Variants in RNF213 observed in about 807,000 individuals in gnomAD.
The protein encoded by RNF213 is ring finger protein 213.
RNF213 carries 341 observed loss-of-function variants against 514.4 expected under a neutral mutation model. The observed-to-expected ratio is 0.66, with a 90% confidence interval of 0.61 to 0.73. RNF213 has a LOEUF of 0.73. RNF213 is among the 30% of genes least tolerant of loss of function. The pLI is 0.00. For missense variants in RNF213, 5,767 were observed against 6,615.6 expected (o/e 0.87, Z 4.45); for synonymous variants, 2,655 against 2,658.2 (o/e 1.00, Z 0.04).
intron 23 of RNF213, 110 bp from the exon 24 acceptor site, chr17:80,337,476 T>G (rs909050051): frequency 3.3e-5 from 46 of 1,403,758 alleles, no homozygotes; most frequent in Non-Finnish European, 4.0e-5. Context: ...TGGGGAAGCG[T>G]GGGGAGAAGG....
intron 8 of RNF213, among the ~76,000 whole-genome samples, chr17:80,294,352 G>A (rs544691113): frequency 6.6e-6 from 1 of 152,284 alleles, no homozygotes; most frequent in South Asian, 2.1e-4. Context: ...GGGGGATGCG[G>A]TTTCTGTATG....
rs749466985 is a variant in RNF213 at position 80,363,114 on chromosome 17, G to T, written c.11368G>T (p.Ala3790Ser). 3.1e-6 allele frequency: 5 copies of T among 1,614,040 alleles called. No individual in the cohort carries two copies. The highest frequency in any genetic ancestry group is 4.2e-6 in the Non-Finnish European group (5 of 1,179,942). ...TTTTGAATCCCAGTTTCTGCAGATG[G>T]CTCTGTGGTCCTGCACTAGGAAACT... is the stretch of plus-strand genomic sequence containing the variant. Reference protein sequence around the residue: ...TEEELKFLQMALWSCTRKLKA... With the variant: ...TEEELKFLQMSLWSCTRKLKA... Residue 3790 changes from alanine to serine, a missense_variant, in exon 40 of 68, where the codon GCT becomes TCT. Physicochemically the swap from Ala to Ser is moderately conservative, Grantham distance 99. Transcript: ENST00000582970.
intron 2 of RNF213, among the ~76,000 whole-genome samples, chr17:80,272,901 C>T (rs189030155): frequency 1.6e-4 from 24 of 152,248 alleles, no homozygotes; most frequent in Admixed American, 1.4e-3. Context: ...GGGAGGAAAG[C>T]GTAACAGGCT....
At chr17:80,325,533 C>A (rs953088817) in intron 18 of RNF213, among the ~76,000 whole-genome samples, 1 of 151,972 alleles carries the variant, frequency 6.6e-6, no homozygotes, top group Non-Finnish European at 1.5e-5. Context: ...GAAGGCAATG[C>A]GACTTACCTA....
At chr17:80,284,218 G>T (rs2044394628) in intron 3 of RNF213, among the ~76,000 whole-genome samples, 1 of 151,840 alleles carries the variant, frequency 6.6e-6, no homozygotes, top group Non-Finnish European at 1.5e-5. Flanking sequence ...AAAAAAATTA[G>T]CCGGGCATGA....
At chr17:80,295,411 C>A in intron 9 of RNF213, 146 bp from the exon 10 acceptor site, 3 of 1,028,740 alleles carry the variant, frequency 2.9e-6, no homozygotes, top group Admixed American at 4.0e-5. Flanking sequence ...CTTGGCTGCA[C>A]TGCAGCTCCT....
chr17:80,347,681 C>A lies in RNF213; in HGVS notation c.9346C>A (p.Leu3116Ile). ...QNLYESLYDA[L>I]NQYYVHLGGQ... ...CCTCTACGAGAGCCTCTACGACGCA[C>A]TCAACCAGTACTACGTCCACCTCGG... is the stretch of plus-strand genomic sequence containing the variant. The change falls in exon 29 of 68, where the codon CTC (leucine) becomes ATC (isoleucine). Residue 3116 changes from leucine to isoleucine, a missense_variant. Transcript: ENST00000582970. This position sits in a 1 kb window ranked among gnomAD's most constrained non-coding sequence, Gnocchi z 7.2. 6.2e-7 allele frequency: 1 copy of A among 1,614,012 alleles called. No homozygotes were observed. Among genetic ancestry groups the A allele is most frequent in the Non-Finnish European group, 8.5e-7 (1 of 1,179,904 alleles).
Position 80,386,423 on chromosome 17 carries a change from A to T in RNF213, c.14713A>T (p.Asn4905Tyr), listed in dbSNP as rs780164056. Residue 4905 changes from asparagine to tyrosine, a missense_variant, in exon 62 of 68, where the codon AAC (asparagine) becomes TAC (tyrosine). Asn to Tyr is a moderately radical substitution (Grantham distance 143). This residue lies in a region of RNF213 where 1,245 missense variants were observed against 1,339.0 expected (regional missense o/e 0.93). Coordinates refer to ENST00000582970, the MANE Select transcript of RNF213 (RefSeq NM_001256071.3). ...VYAVEKLSKENNSYSVDAAEV... is the reference protein window; with the variant it reads ...VYAVEKLSKEYNSYSVDAAEV... ...CGCCGTGGAAAAACTCTCCAAGGAA[A>T]ACAACAGGTTTGTGCACGAGCCACC... 1 of 1,614,112 alleles carries T rather than the reference A, an allele frequency of 6.2e-7. No homozygotes were observed. Among genetic ancestry groups the T allele is most frequent in the Non-Finnish European group, 8.5e-7 (1 of 1,180,004 alleles).
intron 21 of RNF213, among the ~76,000 whole-genome samples, chr17:80,333,619 C>T (rs1025342473): frequency 7.3e-5 from 11 of 151,016 alleles, no homozygotes; most frequent in East Asian, 3.9e-4. Flanking sequence ...GCTTGAACCA[C>T]GGAGGCGGAG....
rs1259279502 is a variant in RNF213 at position 80,346,032 on chromosome 17, A to G, written c.7697A>G (p.Tyr2566Cys). 6.2e-7 allele frequency: 1 copy of G among 1,614,176 alleles called. No homozygotes were observed. Among genetic ancestry groups the G allele is most frequent in the South Asian group, 1.1e-5 (1 of 91,082 alleles). The part of the protein sequence containing the change: ...LGSIPLRQLV[Y>C]RVHALPPSLI... ...TCCATTCCTCTGAGGCAGCTGGTAT[A>G]CCGGGTCCATGCTCTGCCCCCGAGC... Residue 2566 changes from tyrosine (Y) to cysteine (C), a missense_variant, in exon 29 of 68, where the codon TAC (tyrosine) becomes TGC (cysteine). Around this residue, in one of 13 missense-constraint regions of RNF213, gnomAD observed 1,377 missense variants for 1,635.2 expected, o/e 0.84. Transcript: ENST00000582970. The surrounding 1 kb of genome is among the most constrained non-coding windows in gnomAD (Gnocchi z 8.1).
chr17:80,331,065 C>T (rs901580549), intron 20 of RNF213, among the ~76,000 whole-genome samples: 4 of 152,158 alleles, frequency 2.6e-5, no homozygotes, highest in Non-Finnish European at 4.4e-5. Flanking sequence ...GTGATCCATC[C>T]GCCTCAGCCT....
intron 20 of RNF213, among the ~76,000 whole-genome samples, chr17:80,330,515 G>A (rs1397392004): frequency 1.3e-5 from 2 of 152,184 alleles, no homozygotes; most frequent in Non-Finnish European, 2.9e-5. Context: ...TTGGCATCCC[G>A]TGCGTGGTCC....
intron 38 of RNF213, 66 bp from the exon 39 acceptor site, chr17:80,361,668 C>T (rs2079059431): frequency 1.3e-6 from 2 of 1,593,778 alleles, no homozygotes; most frequent in Non-Finnish European, 1.7e-6. Context: ...TCCGGAGCCC[C>T]CTGGAGGCAG....
At position 80,374,685 on chromosome 17, in the gene RNF213, C is replaced by A. The variant is rs575440594; in HGVS notation, c.13074+96C>A. On this transcript the variant is annotated intron_variant, in intron 50 of 67. Transcript: ENST00000582970. ...TGTCAAATGATGCAGGGTGATGGAC[C>A]ACTGATGCAGCCCATCACGTGACAC... is the stretch of plus-strand genomic sequence containing the variant. The A allele has an allele frequency of 3.5e-6, 5 of 1,442,770 alleles. No homozygotes were observed. In the African/African-American group the frequency reaches 7.0e-5, roughly 20 times the overall value. 89.4% of individuals were successfully genotyped at this position (1,442,770 alleles called of 1,614,324 possible). A position where few individuals can be genotyped will look rare whatever the true frequency, so the allele number is the denominator to read the frequency against.
chr17:80,318,413 GGAGGGGCCAGGCCT>G (rs2046018952), intron 16 of RNF213, among the ~76,000 whole-genome samples: 1 of 152,142 alleles, frequency 6.6e-6, no homozygotes, highest in Non-Finnish European at 1.5e-5. Flanking sequence ...CCCAGGCACA[GGAGGGGCCAGGCCT>G]GCCCATAGGC....
chr17:80,370,813 C>T (rs1054404297), intron 46 of RNF213, among the ~76,000 whole-genome samples: 2 of 152,224 alleles, frequency 1.3e-5, no homozygotes, highest in Non-Finnish European at 2.9e-5. Flanking sequence ...CAGGGCTGGG[C>T]AGGCCTCTCC....
In RNF213 at chr17:80,332,598, T is replaced by G. The variant is rs955363772; in HGVS notation, c.4110T>G (p.Gly1370=). The G allele has an allele frequency of 4.6e-6, 7 of 1,519,896 alleles. No homozygotes were observed. Among genetic ancestry groups the G allele is most frequent in the Admixed American group, 2.1e-5 (1 of 48,752 alleles). The allele number at this position is 1,519,896 out of a possible 1,614,324, so 94.2% of individuals were successfully genotyped here. A position where few individuals can be genotyped will look rare whatever the true frequency, so the allele number is the denominator to read the frequency against. The change falls in exon 21 of 68, where the codon GGT becomes GGG. Residue 1370 remains glycine, a synonymous_variant. Transcript: ENST00000582970. ...LQVKESLGLN[G]DFSVLNTLLN... ...TCAAAGAGAGCCTGGGACTGAACGG[T>G]GACTTCAGTGTTCTCAACACTTTAC...
At chr17:80,326,657 T>C (rs2046289661) in intron 18 of RNF213, among the ~76,000 whole-genome samples, 1 of 152,240 alleles carries the variant, frequency 6.6e-6, no homozygotes, top group Non-Finnish European at 1.5e-5. Context: ...TCTTATAGGA[T>C]GTCGCCTTTA....
intron 36 of RNF213, among the ~76,000 whole-genome samples, chr17:80,355,810 T>C (rs117053144): frequency 0.05 from 5,795 of 116,758 alleles, 221 homozygotes; most frequent in East Asian, 0.18. Context: ...TGACCGGGAA[T>C]GGGGGCTTAC....
Sources: gnomAD v4.1 joint callset for allele counts (sites outside exome capture counted in the v4.1 genomes callset) on GRCh38, gnomAD v4.1.1 for gene constraint, gnomAD v4.1.1 regional missense constraint, Gnocchi (gnomAD v3.1) non-coding constraint, MANE v1.5 for transcripts, NCBI Gene and HGNC (gene_info 2026-07-23, HGNC 2026-07-21) for gene names.